The following POLQ variants were observed in gnomAD, a reference collection of about 807,000 sequenced individuals.
POLQ encodes DNA polymerase theta, also known as epididymis secretory sperm binding protein.
A neutral mutation model predicts 259.2 loss-of-function variants in POLQ; 233 were observed. The observed-to-expected ratio is 0.90, with a 90% CI of 0.81 to 1.00. POLQ has a LOEUF of 1.00. Ranked by LOEUF, POLQ falls within the 50% of genes least tolerant of loss-of-function variation. The pLI is 0.00. For synonymous variants in POLQ, 1,025 were observed against 1,048.8 expected, an observed-to-expected ratio of 0.98 and a Z score of 0.44; for missense variants, 2,871 against 3,051.6, an observed-to-expected ratio of 0.94 and a Z score of 1.39.
Position 121,472,089 on chromosome 3 carries a change from T to C in POLQ, c.6619A>G (p.Ile2207Val). 2 of 1,579,164 alleles carry C rather than the reference T, an allele frequency of 1.3e-6. No individual in the cohort carries two copies. The highest frequency in any genetic ancestry group is 1.7e-6 in the Non-Finnish European group (2 of 1,151,760). The change falls in exon 22 of 30, where the codon ATT becomes GTT. Residue 2207 changes from isoleucine (I) to valine (V), a missense_variant. Around this residue, in one of 3 missense-constraint regions of POLQ, gnomAD observed 2,080 missense variants for 2,126.0 expected, o/e 0.98. Coordinates refer to ENST00000264233, the MANE Select transcript of POLQ (RefSeq NM_199420.4). ...ILEWRRITNAITKVVFPLQRE... is the reference protein window; with the variant it reads ...ILEWRRITNAVTKVVFPLQRE... ...TGAAGGGGAAAGACCACTTTGGTAA[T>C]AGCATTAGTGATTCTTCTCCATTCT...
rs1181034225 is a variant in POLQ at position 121,485,116 on chromosome 3, C to A, written c.5698G>T (p.Val1900Leu). 1.9e-6 allele frequency: 3 copies of A among 1,611,444 alleles called. No individual in the cohort carries two copies. The Middle Eastern group carries it at 5.0e-4, about 266-fold the overall frequency. Residue 1900 changes from valine (V) to leucine (L), a missense_variant, in exon 17 of 30, where the codon GTG (valine) becomes TTG (leucine). By Grantham distance (32) the Val-to-Leu change is conservative. Around this residue, in one of 3 missense-constraint regions of POLQ, gnomAD observed 2,080 missense variants for 2,126.0 expected, o/e 0.98. Transcript: ENST00000264233. Reference protein sequence around the residue: ...FPIKGCDDTLVVGLAVCWGGR... With the variant: ...FPIKGCDDTLLVGLAVCWGGR... ...CCCCAGCATACTGCCAGTCCAACCACCAAGGTGTCATCACAACCTTTAATG... is the reference window on the plus strand; with the variant it reads ...CCCCAGCATACTGCCAGTCCAACCAACAAGGTGTCATCACAACCTTTAATG...
chr3:121,493,676 T>A lies in POLQ; in HGVS notation c.2324A>T (p.Glu775Val). Residue 775 changes from glutamate (E) to valine (V), a missense_variant, in exon 15 of 30, where the codon GAA (glutamate) becomes GTA (valine). Coordinates refer to ENST00000264233, the MANE Select transcript of POLQ (RefSeq NM_199420.4). ...CTTCTGAAATTGGGAAAGTAGTAGT[T>A]CCATGTTGTGCCAGCCCAGACGGTT... ...FSNRLGWHNM[E>V]LLLSQFQKRL... 6.2e-7 allele frequency: 1 copy of A among 1,613,800 alleles called. No individual in the cohort carries two copies. The highest frequency in any genetic ancestry group is 8.5e-7 in the Non-Finnish European group (1 of 1,179,686).
chr3:121,545,916 C>A lies in POLQ; in HGVS notation c.-39G>T, dbSNP rs759948225. 2 of 1,610,744 alleles carry A rather than the reference C, an allele frequency of 1.2e-6. No individual in the cohort carries two copies. The highest frequency in any genetic ancestry group is 4.5e-5 in the East Asian group (2 of 44,864). ...CGGCCGATCAGGGCAAGCCACAGTCCCAGCGTCCTCCCTCTCGGGAGAACC... is the reference window on the plus strand; with the variant it reads ...CGGCCGATCAGGGCAAGCCACAGTCACAGCGTCCTCCCTCTCGGGAGAACC... On this transcript the variant is annotated 5_prime_UTR_variant, in exon 1 of 30. Transcript: ENST00000264233.
intron 14 of POLQ, chr3:121,494,561 G>A (rs2048099865): frequency 6.3e-7 from 1 of 1,582,084 alleles, no homozygotes. Flanking sequence ...GAACAAGAAA[G>A]CTCAGCTGGT....
At chr3:121,448,368 A>G (rs2047647144) in intron 26 of POLQ, among the ~76,000 whole-genome samples, 1 of 151,146 alleles carries the variant, frequency 6.6e-6, no homozygotes, top group Non-Finnish European at 1.5e-5. Flanking sequence ...TTCATTTTTT[A>G]TTTTATTTTA....
intron 25 of POLQ, among the ~76,000 whole-genome samples, chr3:121,455,076 A>C (rs1209542786): frequency 2.6e-5 from 4 of 151,916 alleles, no homozygotes; most frequent in African/African-American, 9.7e-5. Flanking sequence ...GGATTAAGAA[A>C]CTCACTCAAA....
intron 12 of POLQ, among the ~76,000 whole-genome samples, chr3:121,502,897 T>C (rs2048182822): frequency 6.6e-6 from 1 of 152,012 alleles, no homozygotes; most frequent in Admixed American, 6.6e-5. Context: ...TAAGTTAGTA[T>C]AAATTTTAAG....
intron 20 of POLQ, among the ~76,000 whole-genome samples, chr3:121,474,757 T>G (rs2047912815): frequency 6.6e-6 from 1 of 152,218 alleles, no homozygotes; most frequent in African/African-American, 2.4e-5. Context: ...TACACAGATA[T>G]GAACATATGC....
At chr3:121,500,346 GA>G (rs1406582033) in intron 12 of POLQ, among the ~76,000 whole-genome samples, 1 of 150,334 alleles carries the variant, frequency 6.7e-6, no homozygotes, top group Non-Finnish European at 1.5e-5. Flanking sequence ...GGTTGGTCTT[GA>G]ATTCTTGAAC....
At chr3:121,436,395 C>A (rs1207583241) in intron 27 of POLQ, 120 bp from the exon 28 acceptor site, 4 of 805,316 alleles carry the variant, frequency 5.0e-6, no homozygotes, top group Admixed American at 2.2e-5. Context: ...GACTGAGATG[C>A]AACCCAGAAC....
At position 121,483,509 on chromosome 3, in the gene POLQ, T is replaced by C. The variant is rs576042256; in HGVS notation, c.5847A>G (p.Gln1949=). ...LTLKDRMWYL[Q]SCLRKESDKE... is the part of the protein sequence containing the mutation. ...TATCAGATTCCTTTCGCAAGCAAGA[T>C]TGAAGGTACCACATCCTGTCTTTCA... Residue 1949 remains glutamine (Q), a synonymous_variant, in exon 18 of 30, where the codon CAA becomes CAG. Coordinates refer to ENST00000264233, the MANE Select transcript of POLQ (RefSeq NM_199420.4). The C allele has an allele frequency of 9.9e-6, 16 of 1,608,602 alleles. No individual in the cohort carries two copies. Among genetic ancestry groups the C allele is most frequent in the South Asian group, 8.9e-5 (8 of 89,974 alleles).
At chr3:121,541,590 C>T (rs1173017020) in intron 2 of POLQ, 111 bp from the exon 3 acceptor site, 1 of 884,876 alleles carries the variant, frequency 1.1e-6, no homozygotes, top group African/African-American at 1.7e-5. Flanking sequence ...GCTAACCAAT[C>T]ACTAAGGGCC....
chr3:121,468,767 T>A (rs2047859659), intron 22 of POLQ, among the ~76,000 whole-genome samples: 1 of 152,180 alleles, frequency 6.6e-6, no homozygotes, highest in Non-Finnish European at 1.5e-5. Context: ...GTCATATTAA[T>A]GAGTAAAGGC....
Position 121,541,400 on chromosome 3 carries a change from C to A in POLQ, c.423G>T (p.Leu141Phe), listed in dbSNP as rs867974510. The change falls in exon 3 of 30, where the codon TTG (leucine) becomes TTT (phenylalanine). Residue 141 changes from leucine to phenylalanine, a missense_variant. Physicochemically the swap from Leu to Phe is conservative, Grantham distance 22 (BLOSUM62 0). This residue lies in a region of POLQ where 783 missense variants were observed against 906.2 expected (regional missense o/e 0.86). Transcript: ENST00000264233. ...KRVLEMRKKA[L>F]FILPFVSVAK... ...CCACAGAAACAAAGGGAAGAATAAA[C>A]AAAGCTTTCTTCCGCATTTCCAAAA... 3.1e-6 allele frequency: 5 copies of A among 1,609,646 alleles called. No homozygotes were observed. The highest frequency in any genetic ancestry group is 4.2e-6 in the Non-Finnish European group (5 of 1,177,196).
At chr3:121,501,661 CAAAAAAAAAAAA>C (rs60180456) in intron 12 of POLQ, among the ~76,000 whole-genome samples, 7 of 39,914 alleles carry the variant, frequency 1.8e-4, no homozygotes, top group African/African-American at 7.9e-4. Context: ...GACTCCGTCT[CAAAAAAAAAAAA>C]AAAAAAAAAA....
At chr3:121,484,002 T>C (rs1020978901) in intron 17 of POLQ, among the ~76,000 whole-genome samples, 51 of 152,082 alleles carry the variant, frequency 3.4e-4, no homozygotes, top group Non-Finnish European at 5.9e-4. Context: ...CATATTTTCC[T>C]GCAAAACAAC....
rs368265969 is a variant in POLQ at position 121,544,860 on chromosome 3, T to C, written c.210A>G (p.Leu70=). 1.2e-6 allele frequency: 2 copies of C among 1,611,500 alleles called. No individual in the cohort carries two copies. The highest frequency in any genetic ancestry group is 8.5e-7 in the Non-Finnish European group (1 of 1,177,738). ...TVPDYERDKL[L]LANWGLPKAV... ...CTTTAGGAAGTCCCCAGTTTGCCAA[T>C]AGTAGCTTGTCTCTTTCGTAGTCAG... The change falls in exon 2 of 30, where the codon CTA becomes CTG. Residue 70 remains leucine, a synonymous_variant. Transcript: ENST00000264233.
intron 25 of POLQ, among the ~76,000 whole-genome samples, chr3:121,452,058 G>A (rs1042064391): frequency 6.6e-6 from 1 of 152,212 alleles, no homozygotes; most frequent in Non-Finnish European, 1.5e-5. Context: ...CAATGAGCGA[G>A]GCTCCATGGA....
chr3:121,522,916 C>T (rs1250186195), intron 7 of POLQ, among the ~76,000 whole-genome samples: 2 of 152,178 alleles, frequency 1.3e-5, no homozygotes, highest in Admixed American at 6.5e-5. Context: ...AATCCCGTCA[C>T]GAAAAAGCCT....
Sources: gnomAD v4.1 joint callset for allele counts (sites outside exome capture counted in the v4.1 genomes callset) on GRCh38, gnomAD v4.1.1 for gene constraint, gnomAD v4.1.1 regional missense constraint, MANE v1.5 for transcripts, NCBI Gene and HGNC (gene_info 2026-07-23, HGNC 2026-07-21) for gene names.